The following CFAP45 variants were observed in gnomAD, a reference collection of about 807,000 sequenced individuals.
CFAP45 encodes cilia- and flagella-associated protein 45.
In CFAP45, 43 loss-of-function variants were observed where a neutral mutation model predicts 75.6. The observed-to-expected ratio is 0.57, with a 90% CI of 0.45 to 0.73. The LOEUF (loss-of-function observed/expected upper bound fraction) is 0.73. Ranked by LOEUF, CFAP45 falls within the 30% of genes least tolerant of loss-of-function variation. The pLI, the probability that CFAP45 is intolerant of heterozygous loss-of-function variation, is 0.00. For synonymous variants in CFAP45, 223 were observed against 244.6 expected, an observed-to-expected ratio of 0.91 and a Z score of 0.82; for missense variants, 689 against 701.5, an observed-to-expected ratio of 0.98 and a Z score of 0.20.
chr1:159,876,432 C>G lies in CFAP45; in HGVS notation c.1352+124G>C. On this transcript the variant is annotated intron_variant, in intron 10 of 11. Transcript: ENST00000368099. ...CAATCATCCATCTAGTTATAATGAT[C>G]CCACCAACCCAGACAAGATCGACGA... 9 of 704,696 alleles carry G rather than the reference C, an allele frequency of 1.3e-5. 1 individual carries two copies. The South Asian group carries it at 1.6e-4, about 12-fold the overall frequency. 43.7% of individuals were successfully genotyped at this position (704,696 alleles called of 1,614,324 possible).
At chr1:159,885,696 G>T (rs976626012) in intron 6 of CFAP45, among the ~76,000 whole-genome samples, 1 of 152,130 alleles carries the variant, frequency 6.6e-6, no homozygotes, top group Non-Finnish European at 1.5e-5. Flanking sequence ...GGACCTGTCC[G>T]CAATGAGCGT....
chr1:159,887,856 G>A lies in CFAP45; in HGVS notation c.573C>T (p.Leu191=), dbSNP rs749790435. The change falls in exon 5 of 12, where the codon CTC becomes CTT. Residue 191 remains leucine, a synonymous_variant. Transcript: ENST00000368099. ...AAGAGCCCACCTTGCTCATGTCCTT[G>A]AGCTCCTCCTCCTGCTCCATCCGCA... The part of the protein sequence containing the change: ...NKLRMEQEEE[L]KDMSKIILNA... 1.2e-5 allele frequency: 19 copies of A among 1,612,908 alleles called. No homozygotes were observed. The highest frequency in any genetic ancestry group is 1.5e-5 in the Non-Finnish European group (18 of 1,179,272).
Position 159,890,605 on chromosome 1 carries a change from C to T in CFAP45, c.147G>A (p.Gln49=). 1 of 1,614,078 alleles carries T rather than the reference C, an allele frequency of 6.2e-7. No homozygotes were observed. Among genetic ancestry groups the T allele is most frequent in the Non-Finnish European group, 8.5e-7 (1 of 1,180,010 alleles). The change falls in exon 3 of 12, where the codon CAG becomes CAA. Residue 49 remains glutamine (Q), a synonymous_variant. Transcript: ENST00000368099. ...FGDIKSPAQG[Q]SDSPIVLLRD... ...GGAGCAGCACAATGGGGCTGTCGCT[C>T]TGGCCCTGGGCTGGGGACTATGAGT...
intron 10 of CFAP45, chr1:159,876,279 CTTTA>C (rs1481665059): frequency 2.0e-6 from 1 of 494,054 alleles, no homozygotes; most frequent in African/African-American, 1.9e-5. Context: ...AGAATTTTAC[CTTTA>C]TTTATACTTT....
At chr1:159,876,151 A>T (rs1194171433) in intron 10 of CFAP45, 2 of 224,558 alleles carry the variant, frequency 8.9e-6, no homozygotes, top group Admixed American at 1.0e-4. Context: ...GTCCTGCTCC[A>T]GTGACTCACA....
intron 8 of CFAP45, among the ~76,000 whole-genome samples, chr1:159,878,928 C>A (rs1429362141): frequency 6.6e-6 from 1 of 152,012 alleles, no homozygotes; most frequent in Non-Finnish European, 1.5e-5. Context: ...GTTTCTACAA[C>A]CAATTTCTGC....
intron 1 of CFAP45, among the ~76,000 whole-genome samples, chr1:159,895,663 G>A (rs948224145): frequency 1.3e-5 from 2 of 152,214 alleles, no homozygotes; most frequent in African/African-American, 4.8e-5. Flanking sequence ...TTATTAAAAG[G>A]TAAATATAGC....
intron 7 of CFAP45, among the ~76,000 whole-genome samples, chr1:159,882,404 C>G (rs1649568576): frequency 1.3e-5 from 2 of 152,132 alleles, no homozygotes; most frequent in Admixed American, 1.3e-4. Flanking sequence ...TACTTCTTTC[C>G]CTATTTATTT....
chr1:159,888,036 T>C (rs979557173), intron 4 of CFAP45, 25 bp from the exon 5 acceptor site: 16 of 1,609,214 alleles, frequency 9.9e-6, no homozygotes, highest in African/African-American at 5.3e-5. Flanking sequence ...TCTGGCTCAG[T>C]GGGAGATTAT....
intron 10 of CFAP45, among the ~76,000 whole-genome samples, chr1:159,875,164 G>T (rs935436271): frequency 1.3e-5 from 2 of 152,238 alleles, no homozygotes; most frequent in African/African-American, 4.8e-5. Flanking sequence ...GGCAAATGAT[G>T]CAAAGGAAAG....
At chr1:159,885,994 G>A (rs1041783307) in intron 6 of CFAP45, among the ~76,000 whole-genome samples, 2 of 152,168 alleles carry the variant, frequency 1.3e-5, no homozygotes, top group Non-Finnish European at 2.9e-5. Context: ...GGTGAGAAAC[G>A]AGATTGATTG....
At chr1:159,887,743 AC>A (rs1320528797) in intron 5 of CFAP45, 97 bp downstream of exon 5, 18 of 1,070,720 alleles carry the variant, frequency 1.7e-5, no homozygotes, top group Non-Finnish European at 2.4e-5. Flanking sequence ...CCCTGCCCAC[AC>A]CCCCACCAGT....
chr1:159,893,432 G>T, intron 1 of CFAP45, 127 bp from the exon 2 acceptor site: 2 of 888,930 alleles, frequency 2.2e-6, no homozygotes, highest in South Asian at 2.9e-5. Context: ...GTTAGGGAAA[G>T]CGGCTGTGTA....
At chr1:159,897,100 C>CA (rs1649968537) in intron 1 of CFAP45, among the ~76,000 whole-genome samples, 1 of 151,200 alleles carries the variant, frequency 6.6e-6, no homozygotes, top group African/African-American at 2.4e-5. Context: ...CCCATCTCTA[C>CA]AAAAAATATG....
intron 7 of CFAP45, 80 bp from the exon 8 acceptor site, chr1:159,880,780 A>C: frequency 7.2e-7 from 1 of 1,384,822 alleles, no homozygotes; most frequent in Non-Finnish European, 1.0e-6. Flanking sequence ...AGAGAGATGC[A>C]GACAGAGGAG....
intron 1 of CFAP45, among the ~76,000 whole-genome samples, chr1:159,896,903 T>C (rs2101854004): frequency 6.6e-6 from 1 of 152,332 alleles, no homozygotes; most frequent in South Asian, 2.1e-4. Flanking sequence ...AATGATAATT[T>C]TGACTTACAG....
intron 5 of CFAP45, 96 bp downstream of exon 5, chr1:159,887,745 C>CCCCCCCCCT: frequency 1.5e-6 from 2 of 1,319,058 alleles, no homozygotes; most frequent in East Asian, 2.5e-5. Context: ...CTGCCCACAC[C>CCCCCCCCCT]CCCACCAGTC....
Position 159,887,915 on chromosome 1 carries a change from G to A in CFAP45, c.514C>T (p.Arg172Trp), listed in dbSNP as rs761733171. Residue 172 changes from arginine (R) to tryptophan (W), a missense_variant, in exon 5 of 12, where the codon CGG (arginine) becomes TGG (tryptophan). Transcript: ENST00000368099. The stretch of plus-strand genomic sequence containing the variant: ...GCTCTCTGCAGGAGGTTCTGGGCCC[G>A]TTCCTTGGCCACCTCCTCCAGGTCA... ...LSDLEEVAKE[R>W]AQNLLQRANK... is the part of the protein sequence containing the mutation. 17 of 1,614,098 alleles carry A rather than the reference G, an allele frequency of 1.1e-5. No homozygotes were observed. Among genetic ancestry groups the A allele is most frequent in the Middle Eastern group, 1.6e-4 (1 of 6,084 alleles).
At chr1:159,891,885 G>T (rs901831073) in intron 2 of CFAP45, among the ~76,000 whole-genome samples, 5 of 152,232 alleles carry the variant, frequency 3.3e-5, no homozygotes, top group Middle Eastern at 3.2e-3. Flanking sequence ...TTGCCAGCCA[G>T]CATGACTACT....
Sources: allele counts gnomAD v4.1 joint callset (sites outside exome capture counted in the v4.1 genomes callset), GRCh38; gene constraint gnomAD v4.1.1; transcripts MANE v1.5; gene names NCBI Gene and HGNC (gene_info 2026-07-23, HGNC 2026-07-21).